ARAP1: variants seen among roughly 807,000 people sequenced by gnomAD.
ARAP1 encodes arf-GAP with Rho-GAP domain, ANK repeat and PH domain-containing protein 1.
A neutral mutation model predicts 172.2 loss-of-function variants in ARAP1; 76 were observed. That is an observed-to-expected ratio of 0.44 (90% CI 0.37 to 0.53). The LOEUF (loss-of-function observed/expected upper bound fraction) is 0.53, where lower values mean the gene tolerates loss of function less well. Among genes scored for constraint, ARAP1 ranks in the 20% least tolerant of loss-of-function variants. ARAP1 has a pLI of 0.00. For synonymous variants in ARAP1, 804 were observed against 803.3 expected (o/e 1.00, Z -0.01); for missense variants, 1,686 against 1,977.5 (o/e 0.85, Z 2.80).
At chr11:72,706,513 C>T (rs1451482676) in intron 12 of ARAP1, among the ~76,000 whole-genome samples, 2 of 152,142 alleles carry the variant, frequency 1.3e-5, no homozygotes, top group African/African-American at 4.8e-5. Context: ...TGAGTGGCCT[C>T]GATTGAGCAG....
chr11:72,738,845 C>A (rs1478816212), intron 1 of ARAP1, among the ~76,000 whole-genome samples: 2 of 152,200 alleles, frequency 1.3e-5, no homozygotes, highest in Non-Finnish European at 2.9e-5. Context: ...TCAGATCTGC[C>A]CTTTCCCACC....
chr11:72,687,582 G>A, intron 32 of ARAP1, 80 bp from the exon 33 acceptor site: 2 of 1,612,230 alleles, frequency 1.2e-6, no homozygotes, highest in East Asian at 4.5e-5. Context: ...CCCAGCCCAG[G>A]GTCTGCTAGT....
Position 72,693,903 on chromosome 11 carries a change from C to T in ARAP1, c.3695-98G>A. 4 of 932,014 alleles carry T rather than the reference C, an allele frequency of 4.3e-6. No homozygotes were observed. The highest frequency in any genetic ancestry group is 6.4e-6 in the Non-Finnish European group (4 of 627,664). The allele number at this position is 932,014 out of a possible 1,614,324, so 57.7% of individuals were successfully genotyped here. On this transcript the variant is annotated intron_variant, in intron 27 of 34. Coordinates refer to ENST00000393609, the MANE Select transcript of ARAP1 (RefSeq NM_001040118.3). The surrounding 1 kb of genome is among the most constrained non-coding windows in gnomAD (Gnocchi z 4.6). ...ATATCACCTACACATCCCCTGTCCACTCCAACCATATGCAAGTGCCACGAC... is the reference window on the plus strand; with the variant it reads ...ATATCACCTACACATCCCCTGTCCATTCCAACCATATGCAAGTGCCACGAC...
chr11:72,704,735 T>C (rs1291926962), intron 13 of ARAP1: 1 of 185,768 alleles, frequency 5.4e-6, no homozygotes, highest in Non-Finnish European at 1.1e-5. Context: ...AAACCTCTCC[T>C]ATCCCTGACA....
intron 30 of ARAP1, chr11:72,689,346 C>T (rs975630428): frequency 1.3e-5 from 2 of 152,288 alleles, no homozygotes; most frequent in African/African-American, 4.8e-5. Context: ...GAGGCTTCCT[C>T]CTGCTCTAGG....
rs1565227872 is a variant in ARAP1, at chr11:72,726,035, G to A, written c.509+585C>T. ...CCAGAGGAAACTCAAGAAAACACAG[G>A]GTACCAGAAGCCCCAGAGGGGAAAC... is the stretch of plus-strand genomic sequence containing the variant. On this transcript the variant is annotated intron_variant, in intron 3 of 34. Transcript: ENST00000393609. The surrounding 1 kb of genome is among the most constrained non-coding windows in gnomAD (Gnocchi z 6.5). Among the ~76,000 whole-genome samples the A allele has an allele frequency of 6.6e-6, 1 of 152,128 alleles. No individual in the cohort carries two copies. Among genetic ancestry groups the A allele is most frequent in the Non-Finnish European group, 1.5e-5 (1 of 68,016 alleles).
chr11:72,710,608 A>G lies in ARAP1; in HGVS notation c.1214-21T>C. The G allele has an allele frequency of 6.3e-7, 1 of 1,587,426 alleles. No individual in the cohort carries two copies. Among genetic ancestry groups the G allele is most frequent in the Non-Finnish European group, 8.5e-7 (1 of 1,169,738 alleles). On this transcript the variant is annotated intron_variant, in intron 9 of 34. Transcript: ENST00000393609. This position sits in a 1 kb window ranked among gnomAD's most constrained non-coding sequence, Gnocchi z 4.3. The stretch of plus-strand genomic sequence containing the variant: ...CTCCACTGCAGGAGAAGGGTAGAGG[A>G]GTAAGCCCAAGGTTGCAGGGAGCCC...
Position 72,699,095 on chromosome 11 carries a change from G to A in ARAP1, c.2451C>T (p.Thr817=), listed in dbSNP as rs1242506516. 1.2e-6 allele frequency: 2 copies of A among 1,613,984 alleles called. No homozygotes were observed. Among genetic ancestry groups the A allele is most frequent in the Non-Finnish European group, 1.7e-6 (2 of 1,180,022 alleles). ...GTTCTCCCTCCGTGTACACCTCAAA[G>A]GTGTGCTCAAAGCTGCAAATACACA... ...PPPDTHGFEH[T]FEVYTEGERL... The change falls in exon 18 of 35, where the codon ACC becomes ACT. Residue 817 remains threonine (T), a synonymous_variant. Coordinates refer to ENST00000393609, the MANE Select transcript of ARAP1 (RefSeq NM_001040118.3). The surrounding 1 kb of genome is among the most constrained non-coding windows in gnomAD (Gnocchi z 4.2).
chr11:72,701,577 G>A, intron 16 of ARAP1, 72 bp downstream of exon 16: 1 of 1,550,410 alleles, frequency 6.4e-7, no homozygotes, highest in African/African-American at 1.4e-5. Flanking sequence ...AGTCTGGCCA[G>A]CCCTGGCTTC....
chr11:72,737,340 A>C (rs12292781), intron 1 of ARAP1, among the ~76,000 whole-genome samples: 21,969 of 152,030 alleles, frequency 0.14, 2,066 homozygotes, highest in African/African-American at 0.26. Flanking sequence ...TGGCTTGAGT[A>C]CTTCTTGCTG....
rs111475923 is a variant in ARAP1 at position 72,699,035 on chromosome 11, C to G, written c.2511G>C (p.Gln837His). The part of the protein sequence containing the change: ...LYLFGLESAE[Q>H]AHEWVKCIAK... Reference sequence around the variant, plus strand: ...CAATACACTTGACCCACTCATGAGCCTGCTCCGCACTCTCCAGCCCAAACA... The same window carrying G: ...CAATACACTTGACCCACTCATGAGCGTGCTCCGCACTCTCCAGCCCAAACA... Residue 837 changes from glutamine to histidine, a missense_variant, in exon 18 of 35, where the codon CAG (glutamine) becomes CAC (histidine). Physicochemically the swap from Gln to His is conservative, Grantham distance 24. Coordinates refer to ENST00000393609, the MANE Select transcript of ARAP1 (RefSeq NM_001040118.3). The surrounding 1 kb of genome is among the most constrained non-coding windows in gnomAD (Gnocchi z 4.2). The G allele has an allele frequency of 2.1e-4, 347 of 1,614,184 alleles. 1 individual carries two copies. The African/African-American group carries it at 3.9e-3, about 18-fold the overall frequency.
intron 2 of ARAP1, among the ~76,000 whole-genome samples, chr11:72,728,579 TCAAAA>T (rs1235980666): frequency 6.6e-6 from 1 of 152,006 alleles, no homozygotes; most frequent in Non-Finnish European, 1.5e-5. Flanking sequence ...AGGCTCCGTC[TCAAAA>T]CAAAAACAAA....
At position 72,697,116 on chromosome 11, in the gene ARAP1, A is replaced by G. The variant is rs922835094; in HGVS notation, c.3033T>C (p.Asp1011=). 45 of 1,607,152 alleles carry G rather than the reference A, an allele frequency of 2.8e-5. No individual in the cohort carries two copies. Among genetic ancestry groups the G allele is most frequent in the African/African-American group, 5.3e-5 (4 of 74,912 alleles). The change falls in exon 22 of 35, where the codon GAT becomes GAC. Residue 1011 remains aspartate, a synonymous_variant. Transcript: ENST00000393609. ...CCTCCTTGAGGTGCACAGAGCGCGC[A>G]TCCTGCCGCAGGCTCTCCAGCAGCC... The part of the protein sequence containing the change: ...TQRLLESLRQ[D]ARSVHLKEGE...
At chr11:72,685,741 G>T in intron 34 of ARAP1, 60 bp from the exon 35 acceptor site, 1 of 1,601,484 alleles carries the variant, frequency 6.2e-7, no homozygotes, top group Non-Finnish European at 8.5e-7. Flanking sequence ...CTGGCGCCCC[G>T]CTGAAGCTGC....
chr11:72,715,486 A>C (rs1857231387), intron 3 of ARAP1, among the ~76,000 whole-genome samples: 1 of 151,716 alleles, frequency 6.6e-6, no homozygotes, highest in African/African-American at 2.4e-5. Flanking sequence ...TCATGATGCC[A>C]GGCCTTTCCT....
Position 72,714,248 on chromosome 11 carries a change from G to A in ARAP1, c.583C>T (p.Leu195=), listed in dbSNP as rs772660803. 7.2e-6 allele frequency: 11 copies of A among 1,532,992 alleles called. No homozygotes were observed. In the South Asian group the frequency reaches 1.2e-4, roughly 17 times the overall value. The allele number at this position is 1,532,992 out of a possible 1,614,324, so 95.0% of individuals were successfully genotyped here. The part of the protein sequence containing the change: ...SPPQPQSEEP[L]STLPQGPPQP... ...GGAGGCCCCTGGGGGAGGGTGGACA[G>A]GGGCTCCTCAGACTGTGGCTGGGGA... is the stretch of plus-strand genomic sequence containing the variant. The change falls in exon 4 of 35, where the codon CTG becomes TTG. Residue 195 remains leucine (L), a synonymous_variant. Coordinates refer to ENST00000393609, the MANE Select transcript of ARAP1 (RefSeq NM_001040118.3).
At chr11:72,740,769 C>T (rs1236414775) in intron 1 of ARAP1, among the ~76,000 whole-genome samples, 1 of 152,150 alleles carries the variant, frequency 6.6e-6, no homozygotes, top group African/African-American at 2.4e-5. Context: ...AGCCCTCAGA[C>T]TTTCACATGG....
At chr11:72,738,825 T>C (rs886986322) in intron 1 of ARAP1, among the ~76,000 whole-genome samples, 1 of 152,156 alleles carries the variant, frequency 6.6e-6, no homozygotes, top group South Asian at 2.1e-4. Context: ...CCCCACCCAA[T>C]GGCCACACCT....
At chr11:72,716,277 A>G (rs1857271170) in intron 3 of ARAP1, among the ~76,000 whole-genome samples, 1 of 151,386 alleles carries the variant, frequency 6.6e-6, no homozygotes, top group Admixed American at 6.6e-5. Context: ...TCCAAAGTTT[A>G]TGAGCTTCTT....
Sources: allele counts gnomAD v4.1 joint callset (sites outside exome capture counted in the v4.1 genomes callset), GRCh38; gene constraint gnomAD v4.1.1; non-coding constraint Gnocchi (gnomAD v3.1); transcripts MANE v1.5; gene names NCBI Gene and HGNC (gene_info 2026-07-23, HGNC 2026-07-21).